The following DPP10 variants were observed in gnomAD, a reference collection of about 807,000 sequenced individuals.
DPP10 encodes inactive dipeptidyl peptidase 10.
Under a neutral mutation model 120.9 loss-of-function variants are expected in DPP10, and 33 were observed. The observed-to-expected ratio is 0.27, with a 90% confidence interval of 0.21 to 0.37. The LOEUF (loss-of-function observed/expected upper bound fraction) is 0.37, where lower values mean the gene tolerates loss of function less well. Among genes scored for constraint, DPP10 ranks in the 10% least tolerant of loss-of-function variants. The probability of loss-of-function intolerance (pLI) is 1.00; values close to 1 mark genes in which losing one functional copy is unlikely to be tolerated. For missense variants in DPP10, 816 were observed against 942.8 expected (o/e 0.87, Z 1.76); for synonymous variants, 337 against 326.1 (o/e 1.03, Z -0.36).
At chr2:114,712,343 A>G (rs1701081570) in intron 1 of DPP10, among the ~76,000 whole-genome samples, 1 of 152,168 alleles carries the variant, frequency 6.6e-6, no homozygotes, top group Non-Finnish European at 1.5e-5. Flanking sequence ...AAAATAAAGT[A>G]GTCTTATATA....
intron 5 of DPP10, among the ~76,000 whole-genome samples, chr2:115,530,356 C>T (rs1022625162): frequency 2.0e-5 from 3 of 151,864 alleles, no homozygotes; most frequent in Non-Finnish European, 4.4e-5. Context: ...TGTTATGTAT[C>T]ATATATATGG....
chr2:114,517,849 G>A (rs887581972), intron 1 of DPP10, among the ~76,000 whole-genome samples: 1 of 152,108 alleles, frequency 6.6e-6, no homozygotes, highest in Admixed American at 6.5e-5. Flanking sequence ...GTGCCAAGAT[G>A]AATCAAGCCA....
intron 1 of DPP10, 59 bp from the exon 2 acceptor site, chr2:115,309,180 A>G: frequency 7.5e-7 from 1 of 1,339,520 alleles, no homozygotes; most frequent in South Asian, 1.2e-5. Context: ...TCATTCCTTT[A>G]TGAATACATT....
chr2:114,677,042 C>T (rs950280848), intron 1 of DPP10, among the ~76,000 whole-genome samples: 2 of 152,100 alleles, frequency 1.3e-5, no homozygotes, highest in Non-Finnish European at 2.9e-5. Flanking sequence ...AGTTTATGCT[C>T]ATACTGGTGT....
At chr2:115,693,639 A>AT (rs963461837) in intron 7 of DPP10, among the ~76,000 whole-genome samples, 3 of 152,152 alleles carry the variant, frequency 2.0e-5, no homozygotes, top group African/African-American at 7.2e-5. Context: ...TAATGTATGC[A>AT]TTTTCTTTAT....
intron 8 of DPP10, among the ~76,000 whole-genome samples, chr2:115,729,051 TGAGAGCTTCCCC>T (rs1479553204): frequency 1.3e-5 from 2 of 152,192 alleles, no homozygotes; most frequent in African/African-American, 4.8e-5. Flanking sequence ...TGAAGAGCAG[TGAGAGCTTCCCC>T]GAAAATATTA....
chr2:115,530,724 G>T (rs1223181403), intron 5 of DPP10, among the ~76,000 whole-genome samples: 2 of 151,818 alleles, frequency 1.3e-5, no homozygotes, highest in Non-Finnish European at 2.9e-5. Context: ...AATAAATAAG[G>T]CAAGCAGTCA....
At chr2:114,954,512 A>T (rs1698059904) in intron 1 of DPP10, among the ~76,000 whole-genome samples, 1 of 152,150 alleles carries the variant, frequency 6.6e-6, no homozygotes, top group Non-Finnish European at 1.5e-5. Flanking sequence ...AAGAAGAAAG[A>T]TCCCAAATAA....
At chr2:115,695,417 A>C (rs2091529942) in intron 7 of DPP10, among the ~76,000 whole-genome samples, 1 of 152,322 alleles carries the variant, frequency 6.6e-6, no homozygotes, top group South Asian at 2.1e-4. Flanking sequence ...TAATGGACTC[A>C]CAGTTCCACA....
intron 1 of DPP10, among the ~76,000 whole-genome samples, chr2:115,284,191 A>C (rs1232029860): frequency 6.6e-6 from 1 of 152,082 alleles, no homozygotes; most frequent in African/African-American, 2.4e-5. Flanking sequence ...TTACTGAAAA[A>C]AACACAGTGT....
At chr2:115,801,367 C>T (rs199640741) in intron 19 of DPP10, among the ~76,000 whole-genome samples, 65 of 152,280 alleles carry the variant, frequency 4.3e-4, no homozygotes, top group East Asian at 2.9e-3. Context: ...AATATATAAT[C>T]ATGTCATCTG....
chr2:115,125,232 C>CA (rs1484810463), intron 1 of DPP10, among the ~76,000 whole-genome samples: 2 of 151,954 alleles, frequency 1.3e-5, no homozygotes, highest in African/African-American at 2.4e-5. Flanking sequence ...CTTGAGACCA[C>CA]AAAAAAGTAT....
intron 1 of DPP10, among the ~76,000 whole-genome samples, chr2:114,855,720 T>C (rs1304231892): frequency 2.0e-5 from 3 of 152,284 alleles, no homozygotes; most frequent in Non-Finnish European, 4.4e-5. Context: ...ACTTAGACTA[T>C]AGAAATAATT....
chr2:115,120,686 T>C (rs555611897), intron 1 of DPP10, among the ~76,000 whole-genome samples: 1 of 152,206 alleles, frequency 6.6e-6, no homozygotes, highest in East Asian at 1.9e-4. Flanking sequence ...TACATTTTTT[T>C]AAATAAATTC....
At chr2:114,628,340 A>G (rs916620760) in intron 1 of DPP10, among the ~76,000 whole-genome samples, 1 of 152,174 alleles carries the variant, frequency 6.6e-6, no homozygotes, top group Non-Finnish European at 1.5e-5. Context: ...TCAGACATCC[A>G]GATTCTTTAG....
chr2:115,123,433 A>G (rs926235894), intron 1 of DPP10, among the ~76,000 whole-genome samples: 1 of 152,126 alleles, frequency 6.6e-6, no homozygotes, highest in Admixed American at 6.6e-5. Flanking sequence ...GAGGGGTCAC[A>G]TTTGCAGTGC....
At chr2:115,806,386 C>T (rs999394798) in intron 19 of DPP10, among the ~76,000 whole-genome samples, 1 of 152,128 alleles carries the variant, frequency 6.6e-6, no homozygotes, top group African/African-American at 2.4e-5. Context: ...TCTGCCACTG[C>T]CTGCTTATAC....
In DPP10 at chr2:115,396,755, A is replaced by G. The variant is rs144226777; in HGVS notation, c.271+52843A>G. On this transcript the variant is annotated intron_variant, in intron 3 of 25. Transcript: ENST00000410059. ...TCATTAGCTTTCGTTGCTGCAGTCA[A>G]TCATCCACAGAGGTCAGAGCCGTAT... Among the ~76,000 whole-genome samples the G allele has an allele frequency of 5.6e-3, 854 of 152,294 alleles. 7 individuals are homozygous for G. The highest frequency in any genetic ancestry group is 0.016 in the African/African-American group (680 of 41,560).
In DPP10 at chr2:115,271,161, A is replaced by G. The variant is rs139463152; in HGVS notation, c.61-38078A>G. On this transcript the variant is annotated intron_variant, in intron 1 of 25. Coordinates refer to ENST00000410059, the MANE Select transcript of DPP10 (RefSeq NM_020868.6). ...CAAATTGGTGCTACAGGCACATTCA[A>G]TGTTCTTCTTTTTAGAGGAAATTAA... Among the ~76,000 whole-genome samples the G allele has an allele frequency of 2.6e-3, 395 of 152,312 alleles. 6 individuals are homozygous for G. The highest frequency in any genetic ancestry group is 9.2e-3 in the African/African-American group (383 of 41,588).
Sources: gnomAD v4.1 joint callset for allele counts (sites outside exome capture counted in the v4.1 genomes callset) on GRCh38, gnomAD v4.1.1 for gene constraint, MANE v1.5 for transcripts, NCBI Gene and HGNC (gene_info 2026-07-23, HGNC 2026-07-21) for gene names.